Variants in OSBPL9 observed in about 807,000 individuals in gnomAD.
The protein encoded by OSBPL9 is oxysterol binding protein like 9, also known as oxysterol-binding protein-related protein 9.
A neutral mutation model predicts 106.6 loss-of-function variants in OSBPL9; 40 were observed. That is an observed-to-expected ratio of 0.38 (90% CI 0.29 to 0.49). The LOEUF is 0.49. Ranked by LOEUF, OSBPL9 falls within the 20% of genes least tolerant of loss-of-function variation. The pLI, the probability that OSBPL9 is intolerant of heterozygous loss-of-function variation, is 0.97. For synonymous variants in OSBPL9, 269 were observed against 295.4 expected (o/e 0.91, Z 0.92); for missense variants, 609 against 887.2 (o/e 0.69, Z 3.98).
rs1220338125 is a variant in OSBPL9 at position 51,740,136 on chromosome 1, A to G, written c.319-5400A>G. 3.2e-6 allele frequency: 5 copies of G among 1,549,018 alleles called. No homozygotes were observed. In the East Asian group the frequency reaches 1.2e-4, roughly 38 times the overall value. ...TCTATTCTCTCTTTTCCTTACTTTT[A>G]TGGAAGATCAGTACCACACTTGCTT... On this transcript the variant is annotated intron_variant, in intron 4 of 23. Coordinates refer to ENST00000428468, the MANE Select transcript of OSBPL9 (RefSeq NM_024586.6).
intron 4 of OSBPL9, among the ~76,000 whole-genome samples, chr1:51,725,238 C>T (rs1662908311): frequency 6.6e-6 from 1 of 151,830 alleles, no homozygotes; most frequent in Non-Finnish European, 1.5e-5. Context: ...AGGCAGTCTT[C>T]ATTTCTGTTA....
chr1:51,750,289 CAT>C (rs1362494975), intron 8 of OSBPL9, 94 bp downstream of exon 8: 6 of 771,256 alleles, frequency 7.8e-6, no homozygotes, highest in Non-Finnish European at 1.1e-5. Flanking sequence ...AGATCTGAAA[CAT>C]AGTACCTTTC....
At chr1:51,762,139 T>A (rs756634315) in intron 11 of OSBPL9, among the ~76,000 whole-genome samples, 168 bp downstream of exon 11, 8 of 152,336 alleles carry the variant, frequency 5.3e-5, no homozygotes, top group Middle Eastern at 3.4e-3. Context: ...GTTAGCTTTG[T>A]GTTTGAAAGA....
the OSBPL9 span, among the ~76,000 whole-genome samples, chr1:51,541,236 A>G: frequency 6.6e-6 from 1 of 152,224 alleles, no homozygotes; most frequent in African/African-American, 2.4e-5. Flanking sequence ...CACTTTCATT[A>G]TGTTCAGAGC....
At chr1:51,775,865 C>A (rs1253815765) in intron 14 of OSBPL9, among the ~76,000 whole-genome samples, 2 of 152,146 alleles carry the variant, frequency 1.3e-5, no homozygotes, top group Non-Finnish European at 2.9e-5. Flanking sequence ...CCCACCTCAG[C>A]CTCCCAAAGT....
At position 51,739,053 on chromosome 1, in the gene OSBPL9, T is replaced by G. The variant is rs143065980; in HGVS notation, c.319-6483T>G. On this transcript the variant is annotated intron_variant, in intron 4 of 23. Transcript: ENST00000428468. ...TTGGCTAGATCACACAGGTAATTCA[T>G]TAGAAAGTTGCAGATTCAGGATTTA... 6.4e-3 allele frequency among the ~76,000 whole-genome samples: 968 copies of G among 152,164 alleles called. 7 individuals are homozygous for G. The highest frequency in any genetic ancestry group is 0.011 in the Non-Finnish European group (755 of 67,874).
intron 2 of OSBPL9, among the ~76,000 whole-genome samples, chr1:51,660,444 G>A (rs1432371531): frequency 6.6e-6 from 1 of 152,036 alleles, no homozygotes; most frequent in African/African-American, 2.4e-5. Context: ...AATAACTCCT[G>A]CATATTAATA....
chr1:51,676,235 G>A (rs145082965), intron 3 of OSBPL9, among the ~76,000 whole-genome samples: 3 of 152,180 alleles, frequency 2.0e-5, no homozygotes, highest in South Asian at 4.1e-4. Context: ...TTTGAGACCA[G>A]CCTGGCCAAT....
chr1:51,578,553 A>G (rs558490933), intron 1 of OSBPL9, among the ~76,000 whole-genome samples: 1 of 152,326 alleles, frequency 6.6e-6, no homozygotes, highest in South Asian at 2.1e-4. Flanking sequence ...TATTAGAGGT[A>G]GGGAAACTGA....
intron 3 of OSBPL9, among the ~76,000 whole-genome samples, chr1:51,672,956 C>T (rs1650252052): frequency 6.6e-6 from 1 of 152,140 alleles, no homozygotes; most frequent in Non-Finnish European, 1.5e-5. Flanking sequence ...AAAGTTTGGT[C>T]TGCAGAAATA....
At chr1:51,606,982 G>A (rs1395870696) in intron 2 of OSBPL9, among the ~76,000 whole-genome samples, 1 of 151,672 alleles carries the variant, frequency 6.6e-6, no homozygotes, top group East Asian at 2.0e-4. Context: ...CCCGGGAGGC[G>A]GAGCTTGCAG....
intron 4 of OSBPL9, among the ~76,000 whole-genome samples, chr1:51,726,860 G>C (rs937720831): frequency 1.3e-5 from 2 of 151,876 alleles, no homozygotes; most frequent in African/African-American, 4.8e-5. Context: ...ATAGCTTCTT[G>C]GTACAAGATG....
chr1:51,683,282 G>A (rs745662615), intron 3 of OSBPL9, among the ~76,000 whole-genome samples: 6 of 152,038 alleles, frequency 3.9e-5, no homozygotes, highest in Non-Finnish European at 8.8e-5. Context: ...CCGAGTTCAA[G>A]CGATTCTCCT....
At chr1:51,519,175 C>A in the OSBPL9 span, 1 of 1,431,066 alleles carries the variant, frequency 7.0e-7, no homozygotes, top group Non-Finnish European at 9.2e-7. Flanking sequence ...CGGCCAAGCC[C>A]GGCGGACGGG....
At chr1:51,591,833 C>T (rs778602666) in intron 1 of OSBPL9, among the ~76,000 whole-genome samples, 3 of 152,000 alleles carry the variant, frequency 2.0e-5, no homozygotes, top group Non-Finnish European at 2.9e-5. Context: ...ATATTGGTAT[C>T]TCGCTAATAT....
At chr1:51,640,062 G>A (rs947741154) in intron 1 of OSBPL9, among the ~76,000 whole-genome samples, 2 of 151,754 alleles carry the variant, frequency 1.3e-5, no homozygotes, top group South Asian at 4.2e-4. Context: ...AAATTCCTGA[G>A]CTCAAGCAAT....
intron 9 of OSBPL9, among the ~76,000 whole-genome samples, chr1:51,757,267 T>C (rs1670533429): frequency 6.6e-6 from 1 of 152,142 alleles, no homozygotes; most frequent in East Asian, 1.9e-4. Flanking sequence ...TAAGCATGTT[T>C]GGAATTTGAA....
chr1:51,570,638 G>C, the OSBPL9 span, among the ~76,000 whole-genome samples: 1 of 152,266 alleles, frequency 6.6e-6, no homozygotes, highest in East Asian at 1.9e-4. Flanking sequence ...ATTCCATGCT[G>C]CTGCCCAGCT....
chr1:51,764,211 G>C (rs1401074930), intron 11 of OSBPL9, among the ~76,000 whole-genome samples: 1 of 152,060 alleles, frequency 6.6e-6, no homozygotes, highest in Non-Finnish European at 1.5e-5. Context: ...TCTTTTGTTT[G>C]CAGTTCCCAC....
Sources: allele counts gnomAD v4.1 joint callset (sites outside exome capture counted in the v4.1 genomes callset), GRCh38; gene constraint gnomAD v4.1.1; transcripts MANE v1.5; gene names NCBI Gene and HGNC (gene_info 2026-07-23, HGNC 2026-07-21).